The following CADPS variants were observed in gnomAD, a reference collection of about 807,000 sequenced individuals.
CADPS encodes the protein calcium-dependent secretion activator 1.
Under a neutral mutation model 167.3 loss-of-function variants are expected in CADPS, and 57 were observed. The ratio of observed to expected loss-of-function variants is 0.34; its 90% confidence interval spans 0.28 to 0.42. CADPS has a LOEUF of 0.42. Ranked by LOEUF, CADPS falls within the 20% of genes least tolerant of loss-of-function variation. The probability of loss-of-function intolerance (pLI) is 1.00; values close to 1 mark genes in which losing one functional copy is unlikely to be tolerated. For missense variants in CADPS, 1,414 were observed against 1,738.1 expected, an observed-to-expected ratio of 0.81 and a Z score of 3.32; for synonymous variants, 676 against 635.3, an observed-to-expected ratio of 1.06 and a Z score of -0.96.
chr3:62,747,255 G>T (rs182917804), intron 3 of CADPS, among the ~76,000 whole-genome samples: 1 of 152,154 alleles, frequency 6.6e-6, no homozygotes, highest in Non-Finnish European at 1.5e-5. Context: ...TTCAGTGAAA[G>T]ATCACTCATG....
chr3:62,576,730 C>T (rs2082334046), intron 8 of CADPS, among the ~76,000 whole-genome samples: 1 of 123,272 alleles, frequency 8.1e-6, no homozygotes, highest in Non-Finnish European at 1.6e-5. Flanking sequence ...ACGGAGGTTG[C>T]AGTGAGCTGA....
rs571065254 is a variant in CADPS at position 62,713,375 on chromosome 3, C to T, written c.888+40066G>A. ...TGGCTGAAACAAGGAAGAGACAAAA[C>T]CACCTCTCCATAAGACATGCCCACC... On this transcript the variant is annotated intron_variant, in intron 3 of 29. Transcript: ENST00000383710. Among the ~76,000 whole-genome samples the T allele has an allele frequency of 2.6e-5, 4 of 152,270 alleles. No individual in the cohort carries two copies. The East Asian group carries it at 7.7e-4, about 29-fold the overall frequency.
intron 24 of CADPS, among the ~76,000 whole-genome samples, chr3:62,471,786 T>A (rs1339441333): frequency 1.3e-5 from 2 of 152,162 alleles, no homozygotes; most frequent in Non-Finnish European, 2.9e-5. Flanking sequence ...GCACTGCATT[T>A]AATTTAAAAG....
chr3:62,655,524 C>G (rs1020851035), intron 4 of CADPS, among the ~76,000 whole-genome samples: 18 of 152,156 alleles, frequency 1.2e-4, no homozygotes, highest in Non-Finnish European at 2.5e-4. Flanking sequence ...TATTTATGCT[C>G]TGAGGGATTT....
intron 6 of CADPS, among the ~76,000 whole-genome samples, chr3:62,608,171 C>G (rs991076787): frequency 6.6e-6 from 1 of 151,998 alleles, no homozygotes; most frequent in African/African-American, 2.4e-5. Context: ...AAGTTCACCA[C>G]AAGGCCTAGT....
chr3:62,573,147 G>A (rs111455604), intron 8 of CADPS, among the ~76,000 whole-genome samples: 6,376 of 152,252 alleles, frequency 0.042, 188 homozygotes, highest in African/African-American at 0.081. Context: ...CTCCCAAAGT[G>A]CTGGGCTTAC....
At chr3:62,635,985 G>T (rs1160883303) in intron 6 of CADPS, among the ~76,000 whole-genome samples, 1 of 152,108 alleles carries the variant, frequency 6.6e-6, no homozygotes, top group Non-Finnish European at 1.5e-5. Context: ...ACTAAAAAAG[G>T]CATCTGAGAG....
intron 1 of CADPS, among the ~76,000 whole-genome samples, chr3:62,831,285 G>A (rs1166252033): frequency 6.6e-6 from 1 of 152,178 alleles, no homozygotes; most frequent in Non-Finnish European, 1.5e-5. Flanking sequence ...GAAACTAATA[G>A]AGAGAGGTGA....
chr3:62,690,663 T>C (rs754628927), intron 3 of CADPS, among the ~76,000 whole-genome samples: 6 of 151,786 alleles, frequency 4.0e-5, no homozygotes, highest in Non-Finnish European at 8.8e-5. Flanking sequence ...GATCTTAAGA[T>C]TGCTGTCCAG....
chr3:62,636,815 C>A (rs184257175), intron 6 of CADPS, among the ~76,000 whole-genome samples: 52 of 152,250 alleles, frequency 3.4e-4, no homozygotes, highest in Admixed American at 1.5e-3. Context: ...TTGGATTCCT[C>A]TTGCCTTTGA....
At position 62,420,909 on chromosome 3, in the gene CADPS, C is replaced by T. The variant is rs1560146698; in HGVS notation, c.3777+17195G>A. On this transcript the variant is annotated intron_variant, in intron 28 of 29. Transcript: ENST00000383710. This position sits in a 1 kb window ranked among gnomAD's most constrained non-coding sequence, Gnocchi z 4.1. ...ACACACACACACACACACAGGCACA[C>T]ACACACACACTTGCCAGATCACTTA... Among the ~76,000 whole-genome samples the T allele has an allele frequency of 1.4e-5, 2 of 138,168 alleles. No individual in the cohort carries two copies. The highest frequency in any genetic ancestry group is 3.1e-5 in the Non-Finnish European group (2 of 63,840). The allele number at this position is 138,168 out of a possible 152,430, so 90.6% of individuals were successfully genotyped here. A position where few individuals can be genotyped will look rare whatever the true frequency, so the allele number is the denominator to read the frequency against.
chr3:62,538,360 TC>T, intron 11 of CADPS, among the ~76,000 whole-genome samples: 1 of 152,182 alleles, frequency 6.6e-6, no homozygotes, highest in East Asian at 1.9e-4. Context: ...AACTGTAGTC[TC>T]CCCTGGCATA....
At chr3:62,435,858 C>T (rs2054907878) in intron 28 of CADPS, among the ~76,000 whole-genome samples, 1 of 152,058 alleles carries the variant, frequency 6.6e-6, no homozygotes, top group Non-Finnish European at 1.5e-5. Flanking sequence ...CAGTGGAATT[C>T]AACAAGGGAC....
intron 6 of CADPS, among the ~76,000 whole-genome samples, chr3:62,645,503 G>A (rs574741254): frequency 5.9e-5 from 9 of 152,318 alleles, no homozygotes; most frequent in African/African-American, 1.7e-4. Flanking sequence ...AAAGGACACT[G>A]TTTCTTTAAT....
intron 28 of CADPS, among the ~76,000 whole-genome samples, chr3:62,408,249 G>T (rs1052118817): frequency 6.6e-6 from 1 of 152,054 alleles, no homozygotes; most frequent in African/African-American, 2.4e-5. Context: ...AGTAGGGCAG[G>T]GTTGTACAAG....
chr3:62,753,302 C>T lies in CADPS; in HGVS notation c.888+139G>A, dbSNP rs1467497564. On this transcript the variant is annotated intron_variant, in intron 3 of 29. Coordinates refer to ENST00000383710, the MANE Select transcript of CADPS (RefSeq NM_003716.4). This position sits in a 1 kb window ranked among gnomAD's most constrained non-coding sequence, Gnocchi z 4.6. ...AAGCATGAATATACTCCAGCCTAAACTGTATTCAACTTTTTACCAGTAGAG... is the reference window on the plus strand; with the variant it reads ...AAGCATGAATATACTCCAGCCTAAATTGTATTCAACTTTTTACCAGTAGAG... 1 of 629,062 alleles carries T rather than the reference C, an allele frequency of 1.6e-6. No individual in the cohort carries two copies. Among genetic ancestry groups the T allele is most frequent in the East Asian group, 2.8e-5 (1 of 36,298 alleles). The allele number at this position is 629,062 out of a possible 1,614,324, so 39.0% of individuals were successfully genotyped here.
In CADPS at chr3:62,838,689, T is replaced by C. The variant is rs1382081304; in HGVS notation, c.441+35900A>G. 2.0e-5 allele frequency among the ~76,000 whole-genome samples: 3 copies of C among 152,240 alleles called. No individual in the cohort carries two copies. In the East Asian group the frequency reaches 5.8e-4, roughly 29 times the overall value. Reference sequence around the variant, plus strand: ...AACGTATTCCATACGACTGTAATGATAAATGAGTTAATATTTCTAAGGCAC... The same window carrying C: ...AACGTATTCCATACGACTGTAATGACAAATGAGTTAATATTTCTAAGGCAC... On this transcript the variant is annotated intron_variant, in intron 1 of 29. Transcript: ENST00000383710.
At chr3:62,516,508 C>G (rs1389935638) in intron 15 of CADPS, 72 bp downstream of exon 15, 10 of 1,233,910 alleles carry the variant, frequency 8.1e-6, no homozygotes, top group Non-Finnish European at 1.0e-5. Context: ...GTCATTCAAC[C>G]AAAACATTTC....
chr3:62,867,055 C>T (rs988359898), intron 1 of CADPS, among the ~76,000 whole-genome samples: 3 of 151,928 alleles, frequency 2.0e-5, no homozygotes, highest in African/African-American at 7.3e-5. Context: ...TATATATATG[C>T]TTAGAATTTA....
Sources: allele counts gnomAD v4.1 joint callset (sites outside exome capture counted in the v4.1 genomes callset), GRCh38; gene constraint gnomAD v4.1.1; non-coding constraint Gnocchi (gnomAD v3.1); transcripts MANE v1.5; gene names NCBI Gene and HGNC (gene_info 2026-07-23, HGNC 2026-07-21).